The following ALDH1L1 variants were observed in gnomAD, a reference collection of about 807,000 sequenced individuals.
ALDH1L1 encodes the protein cytosolic 10-formyltetrahydrofolate dehydrogenase.
Under a neutral mutation model 101.1 loss-of-function variants are expected in ALDH1L1, and 68 were observed. The ratio of observed to expected loss-of-function variants is 0.67; its 90% CI spans 0.55 to 0.82. The LOEUF (loss-of-function observed/expected upper bound fraction) is 0.82. Among genes scored for constraint, ALDH1L1 ranks in the 40% least tolerant of loss-of-function variants. ALDH1L1 has a pLI of 0.00. For synonymous variants in ALDH1L1, 486 were observed against 470.8 expected (o/e 1.03, Z -0.42); for missense variants, 1,087 against 1,172.7 (o/e 0.93, Z 1.07).
In ALDH1L1 at chr3:126,107,231, G is replaced by A; in HGVS notation, c.2363C>T (p.Pro788Leu). The A allele has an allele frequency of 6.2e-7, 1 of 1,613,990 alleles. No individual in the cohort carries two copies. The highest frequency in any genetic ancestry group is 8.5e-7 in the Non-Finnish European group (1 of 1,179,942). ...QVPRPGFFFEPTVFTDVEDHM... is the reference protein window; with the variant it reads ...QVPRPGFFFELTVFTDVEDHM... Reference sequence around the variant, plus strand: ...GTCTTCCACGTCTGTGAAAACAGTTGGCTCAAAGAAGAACCCTGCAAGAGA... The same window carrying A: ...GTCTTCCACGTCTGTGAAAACAGTTAGCTCAAAGAAGAACCCTGCAAGAGA... Residue 788 changes from proline (P) to leucine (L), a missense_variant, in exon 21 of 23, where the codon CCA (proline) becomes CTA (leucine). This residue lies in a region of ALDH1L1 where 442 missense variants were observed against 535.7 expected (regional missense o/e 0.83). Transcript: ENST00000393434.
chr3:126,177,550 TA>T (rs2081384648), intron 1 of ALDH1L1, among the ~76,000 whole-genome samples: 1 of 151,316 alleles, frequency 6.6e-6, no homozygotes, highest in Non-Finnish European at 1.5e-5. Flanking sequence ...CAGGGATAGG[TA>T]GGGGGGTTGG....
intron 1 of ALDH1L1, among the ~76,000 whole-genome samples, chr3:126,187,467 G>A (rs947425173): frequency 6.6e-6 from 1 of 152,102 alleles, no homozygotes; most frequent in African/African-American, 2.4e-5. Flanking sequence ...CATCTCCCGA[G>A]GTGGGATGCA....
intron 3 of ALDH1L1, 109 bp downstream of exon 3, chr3:126,158,296 A>G: frequency 1.8e-6 from 2 of 1,095,172 alleles, no homozygotes; most frequent in South Asian, 3.3e-5. Context: ...CACCTGCACG[A>G]TGCCCACTCT....
In ALDH1L1 at chr3:126,169,286, A is replaced by G. The variant is rs182353286; in HGVS notation, c.-23-8284T>C. Among the ~76,000 whole-genome samples, 258 of 152,356 alleles carry G rather than the reference A, an allele frequency of 1.7e-3. 2 individuals are homozygous for G. Among genetic ancestry groups the G allele is most frequent in the Non-Finnish European group, 3.1e-3 (208 of 68,012 alleles). ...AAGTATACTCCTGTAAATAGAATTTAAAGCGTGTTTTTTTCTCTTTGCCTA... is the reference window on the plus strand; with the variant it reads ...AAGTATACTCCTGTAAATAGAATTTGAAGCGTGTTTTTTTCTCTTTGCCTA... On this transcript the variant is annotated intron_variant, in intron 1 of 22. Transcript: ENST00000393434.
chr3:126,185,971 C>G (rs1409858111), upstream of ALDH1L1, among the ~76,000 whole-genome samples: 1 of 152,026 alleles, frequency 6.6e-6, no homozygotes, highest in Admixed American at 6.6e-5. Flanking sequence ...TCTATGAGGT[C>G]CCTAAAGTAC....
chr3:126,135,724 C>G, intron 11 of ALDH1L1, 62 bp from the exon 12 acceptor site: 3 of 1,443,266 alleles, frequency 2.1e-6, no homozygotes, highest in Non-Finnish European at 2.7e-6. Context: ...GATACCCCTG[C>G]CTGCTTCCCT....
In ALDH1L1 at chr3:126,124,451, C is replaced by T. The variant is rs141020864; in HGVS notation, c.1801G>A (p.Val601Met). Residue 601 changes from valine to methionine, a missense_variant and splice_region_variant, in exon 16 of 23, where the codon GTG becomes ATG. Coordinates refer to ENST00000393434, the MANE Select transcript of ALDH1L1 (RefSeq NM_012190.4). ...GNTVVIKPAQ[V>M]TPLTALKFAE... ...AACTTCAAGGCTGTGAGTGGGGTCA[C>T]CTGGGTGTGGGGCCAGGAAAGGAGA... 2.1e-5 allele frequency: 33 copies of T among 1,609,292 alleles called. No homozygotes were observed. Among genetic ancestry groups the T allele is most frequent in the Non-Finnish European group, 2.7e-5 (32 of 1,177,958 alleles).
chr3:126,126,395 T>C (rs1487191657), intron 14 of ALDH1L1, among the ~76,000 whole-genome samples: 2 of 152,160 alleles, frequency 1.3e-5, no homozygotes, highest in East Asian at 3.9e-4. Flanking sequence ...GGTTGAGCGC[T>C]GGACAGTCAG....
At chr3:126,179,043 A>G (rs571623714) in intron 1 of ALDH1L1, among the ~76,000 whole-genome samples, 1 of 152,296 alleles carries the variant, frequency 6.6e-6, no homozygotes, top group South Asian at 2.1e-4. Context: ...CCAGAATGGC[A>G]GGCACGGGAG....
chr3:126,177,838 A>C (rs559024373), intron 1 of ALDH1L1, among the ~76,000 whole-genome samples: 1 of 151,880 alleles, frequency 6.6e-6, no homozygotes, highest in African/African-American at 2.4e-5. Flanking sequence ...CCAGGAGTTC[A>C]AAAGCAGCCT....
intron 2 of ALDH1L1, chr3:126,159,607 T>C (rs1480792342): frequency 1.1e-5 from 5 of 448,436 alleles, no homozygotes; most frequent in Non-Finnish European, 2.2e-5. Flanking sequence ...TGTCAGCAGA[T>C]TGGACTGCAC....
chr3:126,135,637 T>C lies in ALDH1L1; in HGVS notation c.1370A>G (p.Gln457Arg). The stretch of plus-strand genomic sequence containing the variant: ...CACTGCCTTGTCGACGTCGGTGACT[T>C]GGGCCAGGGATACCTGGCAGATGAC... ...GSVICQVSLA[Q>R]VTDVDKAVAA... The change falls in exon 12 of 23, where the codon CAA (glutamine) becomes CGA (arginine). Residue 457 changes from glutamine (Q) to arginine (R), a missense_variant. Transcript: ENST00000393434. 1 of 1,576,724 alleles carries C rather than the reference T, an allele frequency of 6.3e-7. No homozygotes were observed. Among genetic ancestry groups the C allele is most frequent in the Non-Finnish European group, 8.6e-7 (1 of 1,161,004 alleles).
chr3:126,135,127 A>G (rs963682241), intron 12 of ALDH1L1: 3 of 156,380 alleles, frequency 1.9e-5, no homozygotes, highest in African/African-American at 7.2e-5. Context: ...CTGAGCAAGC[A>G]GAGACCAGGC....
At chr3:126,148,468 C>A (rs1289222361) in intron 8 of ALDH1L1, among the ~76,000 whole-genome samples, 1 of 152,232 alleles carries the variant, frequency 6.6e-6, no homozygotes, top group Non-Finnish European at 1.5e-5. Flanking sequence ...CAGCCCCAGA[C>A]TGGCCTCCCC....
chr3:126,108,052 A>G (rs1180007260), intron 20 of ALDH1L1: 2 of 152,220 alleles, frequency 1.3e-5, no homozygotes, highest in Non-Finnish European at 2.9e-5. Flanking sequence ...TAAAATGTTC[A>G]ATATTTTTCA....
chr3:126,120,134 C>T (rs1191928113), intron 16 of ALDH1L1, among the ~76,000 whole-genome samples: 1 of 152,186 alleles, frequency 6.6e-6, no homozygotes, highest in Non-Finnish European at 1.5e-5. Context: ...TGATATTTAC[C>T]CGAAGGAGTT....
chr3:126,105,647 G>A, intron 22 of ALDH1L1, 79 bp downstream of exon 22: 1 of 1,505,576 alleles, frequency 6.6e-7, no homozygotes, highest in African/African-American at 1.4e-5. Flanking sequence ...TCTGAGATAG[G>A]ACCTGGCCCT....
chr3:126,164,893 C>T (rs751800628), intron 1 of ALDH1L1, among the ~76,000 whole-genome samples: 1 of 152,154 alleles, frequency 6.6e-6, no homozygotes, highest in Admixed American at 6.5e-5. Flanking sequence ...CTGTTATTGA[C>T]TTTTTAGTAA....
At position 126,155,409 on chromosome 3, in the gene ALDH1L1, G is replaced by C; in HGVS notation, c.623C>G (p.Thr208Arg). Residue 208 changes from threonine (T) to arginine (R), a missense_variant, in exon 5 of 23, where the codon ACA (threonine) becomes AGA (arginine). Transcript: ENST00000393434. ...ATYEGIQKKE[T>R]AKINWDQPAE... The stretch of plus-strand genomic sequence containing the variant: ...GAGGGACCCAGCACTCACCTTGGCT[G>C]TCTCCTTCTTCTGAATCCCCTCATA... 1.2e-6 allele frequency: 2 copies of C among 1,612,784 alleles called. No individual in the cohort carries two copies. The highest frequency in any genetic ancestry group is 1.7e-6 in the Non-Finnish European group (2 of 1,179,466).
Sources: gnomAD v4.1 joint callset for allele counts (sites outside exome capture counted in the v4.1 genomes callset) on GRCh38, gnomAD v4.1.1 for gene constraint, gnomAD v4.1.1 regional missense constraint, MANE v1.5 for transcripts, NCBI Gene and HGNC (gene_info 2026-07-23, HGNC 2026-07-21) for gene names.